Variants in PSG6 observed in about 807,000 individuals in gnomAD.
The protein encoded by PSG6 is pregnancy specific beta-1-glycoprotein 6.
Under a neutral mutation model 43.3 loss-of-function variants are expected in PSG6, and 51 were observed. The observed-to-expected ratio is 1.18, with a 90% CI of 0.94 to 1.49. The LOEUF is 1.49. Ranked by LOEUF, PSG6 falls within the 40% of genes most tolerant of loss-of-function variation. PSG6 has a pLI of 0.00. For synonymous variants in PSG6, 292 were observed against 197.6 expected (o/e 1.48, Z -4.01); for missense variants, 770 against 522.2 (o/e 1.47, Z -4.62).
chr19:42,912,979 TCAAAA>T (rs988362363), intron 2 of PSG6, among the ~76,000 whole-genome samples: 10 of 151,804 alleles, frequency 6.6e-5, no homozygotes, highest in South Asian at 2.1e-4. Context: ...ATTGCTATTG[TCAAAA>T]CAAAATATTA....
At chr19:42,917,456 T>C (rs1447081675) in intron 1 of PSG6, among the ~76,000 whole-genome samples, 1 of 148,802 alleles carries the variant, frequency 6.7e-6, no homozygotes, top group Non-Finnish European at 1.5e-5. Flanking sequence ...TTCTGCCTCC[T>C]GGGTTCATGT....
rs904900344 is a variant in PSG6 at position 42,912,863 on chromosome 19, A to G, written c.428-2005T>C. Among the ~76,000 whole-genome samples the G allele has an allele frequency of 2.6e-5, 4 of 151,730 alleles. 1 individual carries two copies. The highest frequency in any genetic ancestry group is 9.7e-5 in the African/African-American group (4 of 41,316). The stretch of plus-strand genomic sequence containing the variant: ...ATGTGGCACAGGCAGTAAAACCATG[A>G]GATAGGACCTACCTGGCCACCTCCA... On this transcript the variant is annotated intron_variant, in intron 2 of 5. Transcript: ENST00000187910.
At chr19:42,910,440 G>T (rs761138048) in intron 3 of PSG6, 140 bp downstream of exon 3, 1 of 1,600,846 alleles carries the variant, frequency 6.2e-7, no homozygotes, top group Non-Finnish European at 8.5e-7. Context: ...GGTTTGCCTG[G>T]AGCAGAAAGT....
intron 2 of PSG6, among the ~76,000 whole-genome samples, chr19:42,911,958 A>G (rs1972235166): frequency 6.6e-6 from 1 of 151,470 alleles, no homozygotes; most frequent in African/African-American, 2.4e-5. Context: ...CAGGATGAGG[A>G]GGTTCTAGAG....
At chr19:42,908,722 C>G (rs539372326) in intron 3 of PSG6, among the ~76,000 whole-genome samples, 10 of 151,854 alleles carry the variant, frequency 6.6e-5, no homozygotes, top group Non-Finnish European at 1.2e-4. Context: ...AAATCTAGTC[C>G]TCATGGACCA....
At chr19:42,913,740 C>G (rs1322678386) in intron 2 of PSG6, among the ~76,000 whole-genome samples, 3 of 151,622 alleles carry the variant, frequency 2.0e-5, no homozygotes, top group Non-Finnish European at 4.4e-5. Flanking sequence ...TGCCTTCTGA[C>G]AACCGGCTGA....
intron 2 of PSG6, among the ~76,000 whole-genome samples, chr19:42,914,614 G>A (rs1197967143): frequency 1.3e-5 from 2 of 151,382 alleles, no homozygotes; most frequent in Non-Finnish European, 2.9e-5. Context: ...TCAAGAGGTA[G>A]TGGGGGGATG....
chr19:42,903,315 T>G (rs1198469727), intron 5 of PSG6, among the ~76,000 whole-genome samples: 2 of 151,668 alleles, frequency 1.3e-5, no homozygotes, highest in African/African-American at 4.8e-5. Flanking sequence ...TGCAAGAAAT[T>G]TATAACTGTA....
intron 2 of PSG6, among the ~76,000 whole-genome samples, chr19:42,911,910 A>T (rs1043897830): frequency 6.6e-6 from 1 of 151,530 alleles, no homozygotes; most frequent in African/African-American, 2.4e-5. Context: ...AATCACGGGT[A>T]TAGGGCGTTG....
intron 2 of PSG6, among the ~76,000 whole-genome samples, chr19:42,914,087 T>C (rs1040226886): frequency 1.3e-5 from 2 of 151,590 alleles, no homozygotes; most frequent in African/African-American, 4.8e-5. Flanking sequence ...TGTCTGGCAA[T>C]TACAAGGGTG....
chr19:42,906,293 C>A (rs1236419781), intron 5 of PSG6, among the ~76,000 whole-genome samples: 2 of 151,686 alleles, frequency 1.3e-5, no homozygotes, highest in African/African-American at 2.4e-5. Flanking sequence ...TATTTCCCTG[C>A]AGCCTGGCCC....
In PSG6 at chr19:42,908,722, C is replaced by A. The variant is rs539372326; in HGVS notation, c.707-868G>T. Among the ~76,000 whole-genome samples the A allele has an allele frequency of 4.0e-4, 60 of 151,854 alleles. 1 individual carries two copies. Among genetic ancestry groups the A allele is most frequent in the African/African-American group, 1.4e-3 (59 of 41,438 alleles). Reference sequence around the variant, plus strand: ...GGAATGAACTGCTGGAAATCTAGTCCTCATGGACCATGTGTGTTTGATGGA... The same window carrying A: ...GGAATGAACTGCTGGAAATCTAGTCATCATGGACCATGTGTGTTTGATGGA... On this transcript the variant is annotated intron_variant, in intron 3 of 5. Coordinates refer to ENST00000187910, the MANE Select transcript of PSG6 (RefSeq NM_001031850.4).
chr19:42,915,729 G>T (rs954800200), intron 2 of PSG6: 7 of 311,468 alleles, frequency 2.2e-5, no homozygotes, highest in African/African-American at 8.5e-5. Context: ...AGGGACAGGG[G>T]TCTGGGATTG....
intron 2 of PSG6, among the ~76,000 whole-genome samples, chr19:42,913,003 G>A (rs1414844261): frequency 6.6e-6 from 1 of 151,582 alleles, no homozygotes; most frequent in African/African-American, 2.4e-5. Flanking sequence ...TAAATATGAA[G>A]TTGAATATGT....
In PSG6 at chr19:42,907,108, A is replaced by G. The variant is rs1972128360; in HGVS notation, c.1054T>C (p.Ser352Pro). 2 of 1,612,804 alleles carry G rather than the reference A, an allele frequency of 1.2e-6. No individual in the cohort carries two copies. Among genetic ancestry groups the G allele is most frequent in the Non-Finnish European group, 1.7e-6 (2 of 1,179,290 alleles). ...YYRSGENLDLSCFADSNPPAE... is the reference protein window; with the variant it reads ...YYRSGENLDLPCFADSNPPAE... ...GGTGGGTTAGAGTCCGCAAAGCAGG[A>G]CAAGTCGAGGTTTTCTCCTGAACGG... The change falls in exon 5 of 6, where the codon TCC becomes CCC. Residue 352 changes from serine (S) to proline (P), a missense_variant. Coordinates refer to ENST00000187910, the MANE Select transcript of PSG6 (RefSeq NM_001031850.4).
At chr19:42,917,676 T>G in intron 1 of PSG6, 53 bp downstream of exon 1, 1 of 1,599,996 alleles carries the variant, frequency 6.3e-7, no homozygotes, top group Non-Finnish European at 8.5e-7. Context: ...GGATACCCCA[T>G]CCAGTCACTC....
At position 42,906,911 on chromosome 19, in the gene PSG6, G is replaced by C; in HGVS notation, c.1240+11C>G. ...AAAACCCTATTGCCAAGGATGCTGG[G>C]ATCCACTTACCAGAGACTTTGACTA... On this transcript the variant is annotated intron_variant, in intron 5 of 5. Transcript: ENST00000187910. 6.2e-7 allele frequency: 1 copy of C among 1,612,230 alleles called. No individual in the cohort carries two copies. The highest frequency in any genetic ancestry group is 8.5e-7 in the Non-Finnish European group (1 of 1,179,038).
chr19:42,906,540 T>C (rs1259700444), intron 5 of PSG6: 1 of 1,281,054 alleles, frequency 7.8e-7, no homozygotes, highest in African/African-American at 1.5e-5. Context: ...GCCTCAGATG[T>C]TCCTTGTAGC....
Position 42,916,132 on chromosome 19 carries a change from G to T in PSG6, c.420C>A (p.Thr140=), listed in dbSNP as rs778929136. The change falls in exon 2 of 6, where the codon ACC becomes ACA. Residue 140 remains threonine, a synonymous_variant. Coordinates refer to ENST00000187910, the MANE Select transcript of PSG6 (RefSeq NM_001031850.4). The part of the protein sequence containing the change: ...TGGVTGYFTV[T]LYSETPKPSI... ...TCATGCGGAATCACTCACAGTATAA[G>T]GTGACAGTGAAATATCCAGTTACTC... 2 of 1,611,310 alleles carry T rather than the reference G, an allele frequency of 1.2e-6. No individual in the cohort carries two copies. The highest frequency in any genetic ancestry group is 1.3e-5 in the African/African-American group (1 of 74,778).
Sources: allele counts gnomAD v4.1 joint callset (sites outside exome capture counted in the v4.1 genomes callset), GRCh38; gene constraint gnomAD v4.1.1; transcripts MANE v1.5; gene names NCBI Gene and HGNC (gene_info 2026-07-23, HGNC 2026-07-21).